The following RASL12 variants were observed in gnomAD, a reference collection of about 807,000 sequenced individuals.
RASL12 encodes the protein ras-like protein family member 12.
RASL12 carries 16 observed loss-of-function variants against 22.9 expected under a neutral mutation model. That is an observed-to-expected ratio of 0.70 (90% CI 0.47 to 1.06). RASL12 has a LOEUF of 1.06. Among genes scored for constraint, RASL12 ranks in the 50% least tolerant of loss-of-function variants. The pLI is 0.00. For synonymous variants in RASL12, 159 were observed against 152.2 expected (o/e 1.04, Z -0.33); for missense variants, 306 against 353.1 (o/e 0.87, Z 1.07).
intron 2 of RASL12, among the ~76,000 whole-genome samples, chr15:65,060,389 C>T (rs765236375): frequency 6.6e-6 from 1 of 152,186 alleles, no homozygotes; most frequent in African/African-American, 2.4e-5. Flanking sequence ...CCAGCTTCCC[C>T]CAGTGTCATC....
At chr15:65,049,892 T>C (rs60518576), downstream of RASL12, 17 of 679,048 alleles carry the variant, frequency 2.5e-5, no homozygotes, top group South Asian at 3.6e-4. Flanking sequence ...CTGCTTTGTT[T>C]CCAGGGGTCT....
intron 1 of RASL12, chr15:65,076,390 A>G (rs2086969744): frequency 2.1e-6 from 1 of 471,166 alleles, no homozygotes; most frequent in Admixed American, 3.6e-5. Flanking sequence ...AAGAGCTGTA[A>G]CACTCACAGC....
upstream of RASL12, chr15:65,068,330 C>T (rs776303542): frequency 5.1e-6 from 5 of 979,140 alleles, no homozygotes; most frequent in Non-Finnish European, 4.9e-6. This position sits in a 1 kb window ranked among gnomAD's most constrained non-coding sequence, Gnocchi z 4.2. Flanking sequence ...TTTGTTCTAC[C>T]AAGCCAGCCC....
At chr15:65,065,641 G>A (rs1469453114) in intron 1 of RASL12, among the ~76,000 whole-genome samples, 1 of 152,162 alleles carries the variant, frequency 6.6e-6, no homozygotes, top group Non-Finnish European at 1.5e-5. Flanking sequence ...CCCCGGACAA[G>A]TCACAGAGAT....
chr15:65,050,208 A>G (rs2086631351), downstream of RASL12: 2 of 863,428 alleles, frequency 2.3e-6, no homozygotes, highest in Non-Finnish European at 1.8e-6. Context: ...CAGGCGGTAC[A>G]TTTCCTCCAA....
At chr15:65,050,102 G>A, downstream of RASL12, 1 of 1,551,316 alleles carries the variant, frequency 6.4e-7, no homozygotes, top group Non-Finnish European at 8.7e-7. Flanking sequence ...GTGGAAGATG[G>A]TAAGTGGTGA....
intron 1 of RASL12, among the ~76,000 whole-genome samples, chr15:65,075,379 C>T (rs767334447): frequency 6.6e-6 from 1 of 152,228 alleles, no homozygotes; most frequent in African/African-American, 2.4e-5. Context: ...GTGCCCAGTC[C>T]CATCAACCAC....
At chr15:65,075,143 G>A (rs985058139) in intron 1 of RASL12, among the ~76,000 whole-genome samples, 3 of 152,222 alleles carry the variant, frequency 2.0e-5, no homozygotes, top group East Asian at 1.9e-4. Flanking sequence ...TGCTGGCCCC[G>A]GGCAATGAGG....
intron 1 of RASL12, among the ~76,000 whole-genome samples, chr15:65,067,215 TGGACG>T (rs1566956963): frequency 6.6e-6 from 1 of 151,578 alleles, no homozygotes; most frequent in African/African-American, 2.4e-5. Context: ...GGGGAGGGGT[TGGACG>T]GGAAGTCTTC....
chr15:65,068,514 C>T (rs932128555), upstream of RASL12, among the ~76,000 whole-genome samples: 1 of 152,176 alleles, frequency 6.6e-6, no homozygotes, highest in Non-Finnish European at 1.5e-5. The surrounding 1 kb of genome is among the most constrained non-coding windows in gnomAD (Gnocchi z 4.2). Context: ...GGGGGCGGGG[C>T]GGAGAGAACC....
In RASL12 at chr15:65,059,392, C is replaced by T. The variant is rs370328643; in HGVS notation, c.187G>A (p.Val63Met). 15 of 1,614,060 alleles carry T rather than the reference C, an allele frequency of 9.3e-6. No individual in the cohort carries two copies. Among genetic ancestry groups the T allele is most frequent in the Non-Finnish European group, 1.3e-5 (15 of 1,180,012 alleles). Residue 63 changes from valine (V) to methionine (M), a missense_variant, in exon 3 of 5, where the codon GTG becomes ATG. Val to Met is a conservative substitution (Grantham distance 21). Transcript: ENST00000220062. ...LEDTYSSEET[V>M]DHQPVHLRVM... is the part of the protein sequence containing the mutation. The stretch of plus-strand genomic sequence containing the variant: ...CTCAGGTGGACAGGCTGGTGGTCCA[C>T]AGTCTCCTCGGAGCTGTAGGTGTCC...
At chr15:65,052,158 T>C (rs929008483), downstream of RASL12, among the ~76,000 whole-genome samples, 3 of 152,068 alleles carry the variant, frequency 2.0e-5, no homozygotes, top group East Asian at 5.8e-4. Context: ...GTGTACACGA[T>C]GGGGTTTTAG....
At chr15:65,048,780 G>A (rs1010773129), downstream of RASL12, among the ~76,000 whole-genome samples, 9 of 152,100 alleles carry the variant, frequency 5.9e-5, no homozygotes, top group Non-Finnish European at 1.3e-4. Context: ...AGGCCAAGGC[G>A]GGTGGATCAC....
chr15:65,071,546 G>C (rs138893045), upstream of RASL12, among the ~76,000 whole-genome samples: 504 of 152,250 alleles, frequency 3.3e-3, 4 homozygotes, highest in Middle Eastern at 0.01. Flanking sequence ...TTGGATGACC[G>C]TCTCCCCACT....
chr15:65,054,682 G>A lies in RASL12; in HGVS notation c.*217C>T, dbSNP rs1219497353. ...GCTGTTTCCCTCTACGGCCACAGAC[G>A]CGGTGGTTACCATGAAGACCAAGGC... On this transcript the variant is annotated 3_prime_UTR_variant, in exon 5 of 5. Transcript: ENST00000220062. The A allele has an allele frequency of 5.0e-6, 7 of 1,390,742 alleles. No homozygotes were observed. The South Asian group carries it at 5.4e-5, about 11-fold the overall frequency. The allele number at this position is 1,390,742 out of a possible 1,614,324, so 86.2% of individuals were successfully genotyped here. A position where few individuals can be genotyped will look rare whatever the true frequency, so the allele number is the denominator to read the frequency against.
chr15:65,065,328 G>T, intron 1 of RASL12, 55 bp from the exon 2 acceptor site: 7 of 1,552,356 alleles, frequency 4.5e-6, no homozygotes, highest in Non-Finnish European at 5.3e-6. Flanking sequence ...CTAGCTGCTG[G>T]CCCCTCGTTT....
the RASL12 span, chr15:65,045,608 G>A: frequency 6.6e-6 from 1 of 152,340 alleles, no homozygotes; most frequent in Non-Finnish European, 1.5e-5. Flanking sequence ...TTGCCTTGGG[G>A]ATGGGTGGCC....
chr15:65,071,152 G>A (rs753895720), upstream of RASL12, among the ~76,000 whole-genome samples: 7 of 152,172 alleles, frequency 4.6e-5, no homozygotes, highest in Non-Finnish European at 7.4e-5. Flanking sequence ...ACAGGTTAGC[G>A]CCCCAGAGAG....
In RASL12 at chr15:65,059,431, T is replaced by G. The variant is rs1378746509; in HGVS notation, c.161-13A>C. On this transcript the variant is annotated splice_polypyrimidine_tract_variant and intron_variant, in intron 2 of 4. Coordinates refer to ENST00000220062, the MANE Select transcript of RASL12 (RefSeq NM_016563.4). ...CTGTAGGTGTCCTCTACAACACAGA[T>G]GGTTAGCCAGGTCAGACACAGTGCC... 1 of 1,610,634 alleles carries G rather than the reference T, an allele frequency of 6.2e-7. No individual in the cohort carries two copies. Among genetic ancestry groups the G allele is most frequent in the East Asian group, 2.2e-5 (1 of 44,882 alleles).
Sources: gnomAD v4.1 joint callset for allele counts (sites outside exome capture counted in the v4.1 genomes callset) on GRCh38, gnomAD v4.1.1 for gene constraint, Gnocchi (gnomAD v3.1) non-coding constraint, MANE v1.5 for transcripts, NCBI Gene and HGNC (gene_info 2026-07-23, HGNC 2026-07-21) for gene names.